GALNT13: variants seen among roughly 807,000 people sequenced by gnomAD.
GALNT13 encodes UDP-GalNAc:polypeptide N-acetylgalactosaminyltransferase 13.
A neutral mutation model predicts 64.2 loss-of-function variants in GALNT13; 28 were observed. The ratio of observed to expected loss-of-function variants is 0.44; its 90% CI spans 0.32 to 0.60. GALNT13 has a LOEUF of 0.60. GALNT13 is among the 20% of genes least tolerant of loss of function. The pLI is 0.05. For missense variants in GALNT13, 577 were observed against 669.8 expected (o/e 0.86, Z 1.53); for synonymous variants, 214 against 224.6 (o/e 0.95, Z 0.42).
the GALNT13 span, among the ~76,000 whole-genome samples, chr2:153,558,551 C>T: frequency 6.6e-6 from 1 of 151,668 alleles, no homozygotes; most frequent in Non-Finnish European, 1.5e-5. Flanking sequence ...TTGAGCTTTG[C>T]TGTCTTCTCC....
At chr2:153,696,289 A>G in the GALNT13 span, among the ~76,000 whole-genome samples, 8 of 152,202 alleles carry the variant, frequency 5.3e-5, no homozygotes, top group African/African-American at 1.7e-4. Flanking sequence ...GATGAAGGCC[A>G]GAAGACTTAG....
upstream of GALNT13, among the ~76,000 whole-genome samples, chr2:153,868,310 T>C (rs1225988184): frequency 2.0e-5 from 3 of 152,314 alleles, no homozygotes; most frequent in East Asian, 5.8e-4. Context: ...TCATTGTAAG[T>C]ACAAAGGAGG....
chr2:154,290,901 G>A (rs1692579445), intron 8 of GALNT13, among the ~76,000 whole-genome samples: 1 of 151,918 alleles, frequency 6.6e-6, no homozygotes, highest in Non-Finnish European at 1.5e-5. Context: ...CGCGTCTGGA[G>A]TTGTTTGCTC....
the GALNT13 span, among the ~76,000 whole-genome samples, chr2:153,439,410 C>G: frequency 2.0e-5 from 3 of 152,284 alleles, no homozygotes; most frequent in South Asian, 4.1e-4. Context: ...GTGCCCTGCC[C>G]CCAGAGGTGG....
chr2:154,407,175 C>T (rs1699584575), intron 10 of GALNT13, among the ~76,000 whole-genome samples: 1 of 152,074 alleles, frequency 6.6e-6, no homozygotes, highest in South Asian at 2.1e-4. Context: ...AGTGCCTATT[C>T]AAGTACCATG....
At chr2:153,931,390 G>C (rs1690507143) in intron 2 of GALNT13, among the ~76,000 whole-genome samples, 1 of 151,636 alleles carries the variant, frequency 6.6e-6, no homozygotes, top group Non-Finnish European at 1.5e-5. Flanking sequence ...TGCTGAATAG[G>C]AGTAGTGAGA....
chr2:153,288,886 A>G, the GALNT13 span, among the ~76,000 whole-genome samples: 1 of 152,202 alleles, frequency 6.6e-6, no homozygotes, highest in South Asian at 2.1e-4. Flanking sequence ...AAATTTATAT[A>G]CTTATAATCT....
chr2:154,002,991 G>C (rs930987554), intron 3 of GALNT13, among the ~76,000 whole-genome samples: 5 of 152,164 alleles, frequency 3.3e-5, no homozygotes, highest in Non-Finnish European at 5.9e-5. Flanking sequence ...TAACCTTTTA[G>C]GTTTTGCAAG....
the GALNT13 span, among the ~76,000 whole-genome samples, chr2:153,093,237 TTTTC>T: frequency 4.2e-4 from 14 of 33,576 alleles, 1 homozygote; most frequent in South Asian, 8.4e-3. Flanking sequence ...TTTTCTTTTC[TTTTC>T]TTTTTTTTTT....
intron 4 of GALNT13, among the ~76,000 whole-genome samples, chr2:154,153,911 C>T (rs896739252): frequency 2.2e-4 from 33 of 152,328 alleles, no homozygotes; most frequent in Middle Eastern, 3.4e-3. Context: ...TGCCCTGCTT[C>T]GGCTCACGCA....
At chr2:153,786,987 G>C in the GALNT13 span, among the ~76,000 whole-genome samples, 1 of 152,120 alleles carries the variant, frequency 6.6e-6, no homozygotes, top group East Asian at 1.9e-4. Flanking sequence ...ATCACGCTGA[G>C]TGGTTGCTAA....
At chr2:153,276,104 TC>T in the GALNT13 span, among the ~76,000 whole-genome samples, 1 of 152,198 alleles carries the variant, frequency 6.6e-6, no homozygotes, top group African/African-American at 2.4e-5. Flanking sequence ...TTTCTGGTAT[TC>T]TATTTTTGCA....
Position 154,242,038 on chromosome 2 carries a change from CA to C in GALNT13, c.324del (p.Val109SerfsTer11). The C allele has an allele frequency of 6.3e-7, 1 of 1,578,286 alleles. No individual in the cohort carries two copies. The highest frequency in any genetic ancestry group is 2.3e-5 in the East Asian group (1 of 44,230). ...LPDVRLEGCK[T>X]KVYPDELPNT... ...TCTTTTCTCTTTTTCAGATGTAAGA[CA>C]AAAGTCTACCCTGATGAACTTCCAA... is the stretch of plus-strand genomic sequence containing the variant. On this transcript the variant is annotated frameshift_variant, in exon 5 of 13. Coordinates refer to ENST00000392825, the MANE Select transcript of GALNT13 (RefSeq NM_052917.4). LOFTEE classifies it high-confidence loss of function.
chr2:154,428,279 T>C (rs1170467172), intron 11 of GALNT13, among the ~76,000 whole-genome samples: 1 of 152,170 alleles, frequency 6.6e-6, no homozygotes, highest in East Asian at 1.9e-4. Context: ...CTCGGACATA[T>C]TGGGAATCCT....
At chr2:154,410,592 G>A (rs565622359) in intron 11 of GALNT13, among the ~76,000 whole-genome samples, 2 of 151,786 alleles carry the variant, frequency 1.3e-5, no homozygotes, top group South Asian at 4.2e-4. Context: ...CTCTCTTTAG[G>A]TAAAAATGTG....
At chr2:153,286,007 G>A in the GALNT13 span, among the ~76,000 whole-genome samples, 2 of 151,964 alleles carry the variant, frequency 1.3e-5, no homozygotes, top group Non-Finnish European at 2.9e-5. Context: ...ATGTTTATGT[G>A]GCAATTAAAA....
At chr2:153,833,517 C>G in the GALNT13 span, among the ~76,000 whole-genome samples, 1 of 152,072 alleles carries the variant, frequency 6.6e-6, no homozygotes, top group Non-Finnish European at 1.5e-5. Context: ...AGAAGTCTCA[C>G]AGTATAATGT....
At chr2:153,688,637 T>C in the GALNT13 span, among the ~76,000 whole-genome samples, 31 of 152,132 alleles carry the variant, frequency 2.0e-4, no homozygotes, top group African/African-American at 7.2e-4. Context: ...TCTAAAATTC[T>C]GCCTTGTCTA....
chr2:153,265,698 T>C, the GALNT13 span, among the ~76,000 whole-genome samples: 2 of 152,162 alleles, frequency 1.3e-5, no homozygotes, highest in Non-Finnish European at 2.9e-5. Context: ...TAAATGTTCA[T>C]TTTGGTGTTC....
Sources: allele counts gnomAD v4.1 joint callset (sites outside exome capture counted in the v4.1 genomes callset), GRCh38; gene constraint gnomAD v4.1.1; transcripts MANE v1.5; gene names NCBI Gene and HGNC (gene_info 2026-07-23, HGNC 2026-07-21).